The following FAM117B variants were observed in gnomAD, a reference collection of about 807,000 sequenced individuals.
The protein encoded by FAM117B is protein FAM117B.
A neutral mutation model predicts 52.8 loss-of-function variants in FAM117B; 22 were observed. The observed-to-expected ratio is 0.42, with a 90% CI of 0.30 to 0.59. The LOEUF (loss-of-function observed/expected upper bound fraction) is 0.59, where lower values mean the gene tolerates loss of function less well. FAM117B is among the 20% of genes least tolerant of loss of function. FAM117B has a pLI of 0.22. For synonymous variants in FAM117B, 309 were observed against 324.1 expected, an observed-to-expected ratio of 0.95 and a Z score of 0.50; for missense variants, 678 against 802.6, an observed-to-expected ratio of 0.84 and a Z score of 1.88.
chr2:202,635,831 G>A, intron 1 of FAM117B, 43 bp downstream of exon 1: 1 of 1,387,288 alleles, frequency 7.2e-7, no homozygotes, highest in East Asian at 3.2e-5. Flanking sequence ...GCGGCTGCGG[G>A]AAGGGGTCCC....
Position 202,679,491 on chromosome 2 carries a change from C to G in FAM117B, c.602-16390C>G, listed in dbSNP as rs185239148. ...TATAGAATGTGTGTACAGTGAAACT[C>G]CATTAGGCTGGACAAGGAATGACTG... On this transcript the variant is annotated intron_variant, in intron 1 of 7. Coordinates refer to ENST00000392238, the MANE Select transcript of FAM117B (RefSeq NM_173511.4). Among the ~76,000 whole-genome samples the G allele has an allele frequency of 4.7e-3, 715 of 152,314 alleles. 7 individuals are homozygous for G. Among genetic ancestry groups the G allele is most frequent in the African/African-American group, 0.016 (680 of 41,564 alleles).
intron 2 of FAM117B, among the ~76,000 whole-genome samples, chr2:202,714,897 T>A (rs1691019701): frequency 6.6e-6 from 1 of 151,956 alleles, no homozygotes. Flanking sequence ...TTTTTCTTAG[T>A]ACAGAACAAA....
At chr2:202,757,763 A>C (rs1383278866) in intron 6 of FAM117B, among the ~76,000 whole-genome samples, 1 of 152,204 alleles carries the variant, frequency 6.6e-6, no homozygotes. Flanking sequence ...CTGTCACCTG[A>C]TAGTCATGAT....
intron 1 of FAM117B, among the ~76,000 whole-genome samples, chr2:202,687,095 A>G (rs1196012862): frequency 6.6e-6 from 1 of 152,192 alleles, no homozygotes; most frequent in Non-Finnish European, 1.5e-5. Flanking sequence ...TATTCATACA[A>G]TGGAGTACTC....
At chr2:202,666,334 T>A (rs1690204655) in intron 1 of FAM117B, among the ~76,000 whole-genome samples, 1 of 152,010 alleles carries the variant, frequency 6.6e-6, no homozygotes, top group African/African-American at 2.4e-5. Context: ...TTAAAAAATG[T>A]TGACTCATTG....
chr2:202,668,844 T>G (rs1690250261), intron 1 of FAM117B, among the ~76,000 whole-genome samples: 1 of 152,168 alleles, frequency 6.6e-6, no homozygotes, highest in African/African-American at 2.4e-5. Flanking sequence ...GAGAACTAAG[T>G]AATTTAATGT....
chr2:202,658,289 C>G (rs1690080257), intron 1 of FAM117B, among the ~76,000 whole-genome samples: 1 of 152,066 alleles, frequency 6.6e-6, no homozygotes, highest in Non-Finnish European at 1.5e-5. Flanking sequence ...TCTCAGTTTT[C>G]CTTCACCTAA....
At chr2:202,642,143 C>T (rs1401581041) in intron 1 of FAM117B, among the ~76,000 whole-genome samples, 4 of 141,624 alleles carry the variant, frequency 2.8e-5, no homozygotes, top group East Asian at 2.0e-4. Flanking sequence ...TTAGTAGAGA[C>T]GGGATTTCAC....
chr2:202,726,325 C>T lies in FAM117B; in HGVS notation c.922C>T (p.Pro308Ser). 1.9e-6 allele frequency: 3 copies of T among 1,613,706 alleles called. No individual in the cohort carries two copies. Among genetic ancestry groups the T allele is most frequent in the Non-Finnish European group, 2.5e-6 (3 of 1,179,894 alleles). The change falls in exon 4 of 8, where the codon CCA (proline) becomes TCA (serine). Residue 308 changes from proline (P) to serine (S), a missense_variant. Transcript: ENST00000392238. ...RHHRDKERQS[P>S]FHGNHAAINQ... is the part of the protein sequence containing the mutation. ...TCATCGAGATAAAGAAAGACAGTCT[C>T]CATTTCATGGCAACCATGCAGCTAT...
chr2:202,707,560 C>A (rs1375974438), intron 2 of FAM117B, among the ~76,000 whole-genome samples: 2 of 151,742 alleles, frequency 1.3e-5, no homozygotes, highest in Non-Finnish European at 2.9e-5. Context: ...AAAAAATTGG[C>A]CAGGTGTGGT....
At chr2:202,724,318 C>G (rs1018043034) in intron 2 of FAM117B, among the ~76,000 whole-genome samples, 2 of 152,314 alleles carry the variant, frequency 1.3e-5, no homozygotes, top group East Asian at 3.9e-4. Context: ...GCTGGGATTA[C>G]AGGCGTGAGC....
intron 2 of FAM117B, among the ~76,000 whole-genome samples, chr2:202,717,031 G>A (rs1007619221): frequency 6.6e-6 from 1 of 152,134 alleles, no homozygotes; most frequent in Non-Finnish European, 1.5e-5. Context: ...CATTTGGTGA[G>A]GTCATGCTTT....
At chr2:202,740,173 C>CAAAAAAAAAA (rs1358404767) in intron 4 of FAM117B, among the ~76,000 whole-genome samples, 1,151 of 69,646 alleles carry the variant, frequency 0.017, 419 homozygotes, top group African/African-American at 0.036. Context: ...ACTTCATCCC[C>CAAAAAAAAAA]CAAAAAAAAA....
intron 1 of FAM117B, among the ~76,000 whole-genome samples, chr2:202,664,026 CA>C (rs1188654745): frequency 6.6e-6 from 1 of 151,440 alleles, no homozygotes; most frequent in Non-Finnish European, 1.5e-5. Flanking sequence ...TCATTATTTC[CA>C]AAAAAAAGCA....
At chr2:202,667,968 A>G (rs1233177806) in intron 1 of FAM117B, among the ~76,000 whole-genome samples, 1 of 151,496 alleles carries the variant, frequency 6.6e-6, no homozygotes, top group Non-Finnish European at 1.5e-5. Context: ...CATGCCTGTA[A>G]TTCTAGCACT....
intron 4 of FAM117B, among the ~76,000 whole-genome samples, chr2:202,746,859 T>C (rs1691640404): frequency 6.6e-6 from 1 of 151,810 alleles, no homozygotes; most frequent in Non-Finnish European, 1.5e-5. Flanking sequence ...TTGCAAACAA[T>C]TATAGAGGAA....
intron 1 of FAM117B, among the ~76,000 whole-genome samples, chr2:202,643,374 A>T (rs1689797475): frequency 6.6e-6 from 1 of 152,078 alleles, no homozygotes; most frequent in South Asian, 2.1e-4. Context: ...AAACAAGGAC[A>T]TTTTTTTCTC....
intron 4 of FAM117B, among the ~76,000 whole-genome samples, chr2:202,735,850 T>C (rs1691430813): frequency 6.6e-6 from 1 of 152,206 alleles, no homozygotes; most frequent in African/African-American, 2.4e-5. Context: ...TTGTTACATA[T>C]ATATACATGT....
At chr2:202,692,691 A>G (rs976889972) in intron 1 of FAM117B, among the ~76,000 whole-genome samples, 2 of 152,196 alleles carry the variant, frequency 1.3e-5, no homozygotes, top group East Asian at 1.9e-4. Context: ...AATTTTACGT[A>G]TCATCTTCGA....
Sources: gnomAD v4.1 joint callset for allele counts (sites outside exome capture counted in the v4.1 genomes callset) on GRCh38, gnomAD v4.1.1 for gene constraint, MANE v1.5 for transcripts, NCBI Gene and HGNC (gene_info 2026-07-23, HGNC 2026-07-21) for gene names.